The following CSMD1 variants were observed in gnomAD, a reference collection of about 807,000 sequenced individuals.
CSMD1 encodes CUB and Sushi multiple domains 1.
In CSMD1, 213 loss-of-function variants were observed where a neutral mutation model predicts 417.5. That is an observed-to-expected ratio of 0.51 (90% CI 0.46 to 0.57). The LOEUF is 0.57. Ranked by LOEUF, CSMD1 falls within the 20% of genes least tolerant of loss-of-function variation. CSMD1 has a pLI of 0.00. For missense variants in CSMD1, 6,923 were observed against 4,529.7 expected (o/e 1.53, Z -15.17); for synonymous variants, 2,862 against 1,736.8 (o/e 1.65, Z -16.11).
At chr8:3,990,228 G>T (rs1282732949) in intron 5 of CSMD1, among the ~76,000 whole-genome samples, 1 of 152,178 alleles carries the variant, frequency 6.6e-6, no homozygotes, top group Non-Finnish European at 1.5e-5. Flanking sequence ...CATAGTTGAT[G>T]AAATACATTT....
intron 1 of CSMD1, among the ~76,000 whole-genome samples, chr8:4,920,594 G>C (rs1208050374): frequency 6.6e-6 from 1 of 152,078 alleles, no homozygotes; most frequent in Non-Finnish European, 1.5e-5. Context: ...GGCTGAGGCA[G>C]GTGGATCACC....
chr8:3,871,394 G>C (rs549631052), intron 5 of CSMD1, among the ~76,000 whole-genome samples: 2 of 151,794 alleles, frequency 1.3e-5, no homozygotes, highest in African/African-American at 2.4e-5. Context: ...ACTTGCATTG[G>C]TTTCTTCAAC....
At chr8:4,005,397 G>A (rs1446670254) in intron 4 of CSMD1, among the ~76,000 whole-genome samples, 2 of 152,278 alleles carry the variant, frequency 1.3e-5, no homozygotes, top group Middle Eastern at 3.4e-3. Flanking sequence ...GTGGCCGGGT[G>A]GTCACTCCCT....
chr8:4,376,063 G>C (rs565484198), intron 3 of CSMD1, among the ~76,000 whole-genome samples: 4 of 152,110 alleles, frequency 2.6e-5, no homozygotes, highest in Non-Finnish European at 4.4e-5. Context: ...TGAAGCTAGA[G>C]AAGAAAATTT....
At chr8:3,745,716 T>C (rs1328414773) in intron 6 of CSMD1, among the ~76,000 whole-genome samples, 1 of 152,170 alleles carries the variant, frequency 6.6e-6, no homozygotes, top group Non-Finnish European at 1.5e-5. Context: ...CTCCTCAGAG[T>C]AGATTCCTTA....
At chr8:4,206,152 T>A (rs969751268) in intron 3 of CSMD1, among the ~76,000 whole-genome samples, 2 of 152,206 alleles carry the variant, frequency 1.3e-5, no homozygotes, top group Non-Finnish European at 2.9e-5. Context: ...TCCCTGGCTA[T>A]TATTCAGAAT....
At chr8:4,114,328 C>G (rs565015354) in intron 3 of CSMD1, among the ~76,000 whole-genome samples, 1 of 152,320 alleles carries the variant, frequency 6.6e-6, no homozygotes, top group South Asian at 2.1e-4. Context: ...GAGACCACAT[C>G]TGTTTACAGC....
At chr8:3,926,625 A>G (rs79785103) in intron 5 of CSMD1, among the ~76,000 whole-genome samples, 322 of 151,924 alleles carry the variant, frequency 2.1e-3, no homozygotes, top group African/African-American at 7.5e-3. Flanking sequence ...TGATTTTATG[A>G]AAAGCATATT....
chr8:4,890,517 T>C (rs1024255560), intron 1 of CSMD1, among the ~76,000 whole-genome samples: 2 of 150,436 alleles, frequency 1.3e-5, no homozygotes, highest in East Asian at 4.0e-4. Context: ...GCAGGACAGG[T>C]GAGAGCGTGA....
intron 3 of CSMD1, among the ~76,000 whole-genome samples, chr8:4,101,622 G>T (rs966543605): frequency 6.6e-6 from 1 of 152,204 alleles, no homozygotes; most frequent in African/African-American, 2.4e-5. Flanking sequence ...AGGACCTTCT[G>T]AAGTACCTTG....
chr8:4,075,708 T>C (rs1799785941), intron 3 of CSMD1, among the ~76,000 whole-genome samples: 1 of 152,164 alleles, frequency 6.6e-6, no homozygotes, highest in Non-Finnish European at 1.5e-5. Context: ...TATAAAATTG[T>C]CAATGTAGAA....
chr8:4,981,208 G>A (rs1401403032), intron 1 of CSMD1, among the ~76,000 whole-genome samples: 1 of 152,134 alleles, frequency 6.6e-6, no homozygotes, highest in Non-Finnish European at 1.5e-5. Context: ...ATTCATGAAG[G>A]CAGTACAGTG....
At chr8:4,007,598 T>C (rs1303039498) in intron 4 of CSMD1, among the ~76,000 whole-genome samples, 1 of 152,230 alleles carries the variant, frequency 6.6e-6, no homozygotes, top group Admixed American at 6.5e-5. Flanking sequence ...AGCAATGGAA[T>C]GCAAGCTTTA....
intron 6 of CSMD1, among the ~76,000 whole-genome samples, chr8:3,747,988 G>A (rs376512025): frequency 1.2e-4 from 18 of 152,164 alleles, no homozygotes; most frequent in African/African-American, 4.3e-4. Flanking sequence ...GTTCTCCAAG[G>A]TGGACGTGAT....
rs1253693226 is a variant in CSMD1 at position 3,472,025 on chromosome 8, G to A, written c.1449-3201C>T. Among the ~76,000 whole-genome samples the A allele has an allele frequency of 1.3e-4, 20 of 151,946 alleles. No individual in the cohort carries two copies. In the South Asian group the frequency reaches 4.2e-3, roughly 32 times the overall value. ...CCCCACTTTACACCCCTTTCACTTTGAGACTTATGCCACCATGCAACATGA... is the reference window on the plus strand; with the variant it reads ...CCCCACTTTACACCCCTTTCACTTTAAGACTTATGCCACCATGCAACATGA... On this transcript the variant is annotated intron_variant, in intron 11 of 69. Transcript: ENST00000635120.
At chr8:4,116,380 G>A (rs1460739615) in intron 3 of CSMD1, among the ~76,000 whole-genome samples, 3 of 152,136 alleles carry the variant, frequency 2.0e-5, no homozygotes, top group Admixed American at 6.5e-5. Flanking sequence ...CCAAACCCAT[G>A]GAATATACCA....
At chr8:4,942,076 A>C (rs745704860) in intron 1 of CSMD1, among the ~76,000 whole-genome samples, 1 of 152,170 alleles carries the variant, frequency 6.6e-6, no homozygotes, top group Non-Finnish European at 1.5e-5. Flanking sequence ...ATCTCTCTTC[A>C]CTTCCTATTT....
At chr8:3,169,655 T>C (rs1479711381) in intron 37 of CSMD1, among the ~76,000 whole-genome samples, 1 of 152,182 alleles carries the variant, frequency 6.6e-6, no homozygotes, top group Non-Finnish European at 1.5e-5. Context: ...CATGATGTCA[T>C]GTTATTTATA....
intron 2 of CSMD1, among the ~76,000 whole-genome samples, chr8:4,478,467 G>T (rs1725116): frequency 0.014 from 2,186 of 152,090 alleles, 41 homozygotes; most frequent in African/African-American, 0.048. Flanking sequence ...TGAATCAATA[G>T]TTTCTTCATT....
Sources: gnomAD v4.1 joint callset for allele counts (sites outside exome capture counted in the v4.1 genomes callset) on GRCh38, gnomAD v4.1.1 for gene constraint, MANE v1.5 for transcripts, NCBI Gene and HGNC (gene_info 2026-07-23, HGNC 2026-07-21) for gene names.